Variants in USP54 observed in about 807,000 individuals in gnomAD.
USP54 encodes the protein ubiquitin carboxyl-terminal hydrolase 54.
In USP54, 87 loss-of-function variants were observed where a neutral mutation model predicts 170.5. That is an observed-to-expected ratio of 0.51 (90% confidence interval 0.43 to 0.61). The LOEUF is 0.61. Among genes scored for constraint, USP54 ranks in the 20% least tolerant of loss-of-function variants. USP54 has a pLI of 0.00. For synonymous variants in USP54, 655 were observed against 742.8 expected (o/e 0.88, Z 1.92); for missense variants, 1,786 against 2,047.8 (o/e 0.87, Z 2.47).
chr10:73,508,227 C>T (rs567053381), intron 20 of USP54, among the ~76,000 whole-genome samples: 3 of 151,810 alleles, frequency 2.0e-5, no homozygotes, highest in East Asian at 3.9e-4. Context: ...GCCAACATGG[C>T]GAAACCCTGT....
intron 23 of USP54, among the ~76,000 whole-genome samples, chr10:73,500,200 G>T (rs747155149): frequency 7.9e-5 from 12 of 152,174 alleles, no homozygotes; most frequent in Non-Finnish European, 1.3e-4. Flanking sequence ...CACATGGTGT[G>T]GGTACTCCAT....
At chr10:73,529,136 T>C (rs1352610326) in intron 15 of USP54, 3 of 154,524 alleles carry the variant, frequency 1.9e-5, no homozygotes, top group Admixed American at 1.3e-4. Context: ...AATTTTAGTA[T>C]ATGTGCTACC....
At chr10:73,560,250 C>A (rs573467217) in intron 4 of USP54, among the ~76,000 whole-genome samples, 8 of 152,094 alleles carry the variant, frequency 5.3e-5, no homozygotes, top group Non-Finnish European at 1.2e-4. Context: ...CTGACAGAAT[C>A]CCAGGCCTGC....
At chr10:73,567,508 T>G (rs1445646361) in intron 4 of USP54, among the ~76,000 whole-genome samples, 1 of 151,984 alleles carries the variant, frequency 6.6e-6, no homozygotes, top group Non-Finnish European at 1.5e-5. Flanking sequence ...CTAGCTCTAC[T>G]AAAAATACAA....
chr10:73,611,323 A>G (rs945334288), intron 1 of USP54, among the ~76,000 whole-genome samples: 2 of 152,120 alleles, frequency 1.3e-5, no homozygotes, highest in African/African-American at 4.8e-5. Context: ...AAATGTGTCC[A>G]TATTTTTTAA....
At chr10:73,510,094 T>C (rs964658899) in intron 20 of USP54, among the ~76,000 whole-genome samples, 1 of 152,180 alleles carries the variant, frequency 6.6e-6, no homozygotes, top group African/African-American at 2.4e-5. Flanking sequence ...CCCAGCACTT[T>C]GGGAGGCCAA....
At chr10:73,593,472 T>C (rs2078465022), upstream of USP54, among the ~76,000 whole-genome samples, 1 of 152,008 alleles carries the variant, frequency 6.6e-6, no homozygotes, top group Non-Finnish European at 1.5e-5. Context: ...ATACATAGTG[T>C]TTCAGATTAT....
At chr10:73,520,061 T>TG in intron 18 of USP54, 69 bp from the exon 19 acceptor site, 1 of 1,519,052 alleles carries the variant, frequency 6.6e-7, no homozygotes, top group East Asian at 2.5e-5. Context: ...AGAATAAAAT[T>TG]GAAAAAAAAT....
At chr10:73,585,438 C>T (rs1444289268) in intron 1 of USP54, among the ~76,000 whole-genome samples, 1 of 152,184 alleles carries the variant, frequency 6.6e-6, no homozygotes, top group African/African-American at 2.4e-5. Context: ...TCATGACAGA[C>T]CGCAAAGGGA....
At chr10:73,574,468 G>C (rs2075784421) in intron 3 of USP54, among the ~76,000 whole-genome samples, 1 of 152,104 alleles carries the variant, frequency 6.6e-6, no homozygotes, top group African/African-American at 2.4e-5. Context: ...AAGCAACTAG[G>C]ATAACACACC....
chr10:73,518,339 T>C, intron 19 of USP54: 2 of 665,790 alleles, frequency 3.0e-6, no homozygotes. Context: ...ACTGAGATGT[T>C]TCCCCAAAGC....
At chr10:73,590,425 T>G (rs547454591) in intron 1 of USP54, among the ~76,000 whole-genome samples, 13 of 152,320 alleles carry the variant, frequency 8.5e-5, no homozygotes, top group Non-Finnish European at 1.3e-4. Flanking sequence ...AGCAGTAGTT[T>G]GGGAGAATCC....
chr10:73,594,907 T>C (rs1485890993), upstream of USP54, among the ~76,000 whole-genome samples: 1 of 152,010 alleles, frequency 6.6e-6, no homozygotes. Flanking sequence ...TAGTGGGTTT[T>C]TTTTTAACTT....
chr10:73,613,565 G>T (rs533827350), intron 1 of USP54, among the ~76,000 whole-genome samples: 2 of 152,104 alleles, frequency 1.3e-5, no homozygotes, highest in East Asian at 3.9e-4. Flanking sequence ...AGGCAAAGAC[G>T]TGAACAGTTA....
chr10:73,606,175 C>CAAAAAAAAAAAAAA lies in USP54; in HGVS notation c.-18+19378_-18+19391dup, dbSNP rs1178699732. ...CCTGGGCGACAGAGTGAGGCTGTCT[C>CAAAAAAAAAAAAAA]AAAAAAAAAAAAAAAAAAAAAAAAA... On this transcript the variant is annotated intron_variant, in intron 1 of 22. Transcript: ENST00000339859. Among the ~76,000 whole-genome samples the CAAAAAAAAAAAAAA allele has an allele frequency of 9.2e-3, 237 of 25,622 alleles. 23 individuals are homozygous for CAAAAAAAAAAAAAA. Among genetic ancestry groups the CAAAAAAAAAAAAAA allele is most frequent in the East Asian group, 0.019 (19 of 1,018 alleles). The allele number at this position is 25,622 out of a possible 152,430, so 16.8% of individuals were successfully genotyped here. A position where few individuals can be genotyped will look rare whatever the true frequency, so the allele number is the denominator to read the frequency against.
chr10:73,525,581 C>T (rs1223340963), intron 16 of USP54, among the ~76,000 whole-genome samples: 2 of 152,186 alleles, frequency 1.3e-5, no homozygotes, highest in African/African-American at 4.8e-5. Flanking sequence ...AGAATAGTCT[C>T]ATGCACGATT....
upstream of USP54, among the ~76,000 whole-genome samples, chr10:73,594,805 G>T (rs746326418): frequency 6.6e-6 from 1 of 152,008 alleles, no homozygotes; most frequent in African/African-American, 2.4e-5. Flanking sequence ...GAACCTAAGA[G>T]AAAATATTCT....
chr10:73,516,609 G>T lies in USP54; in HGVS notation c.3817C>A (p.Gln1273Lys), dbSNP rs755654129. The T allele has an allele frequency of 1.1e-5, 17 of 1,614,096 alleles. No individual in the cohort carries two copies. The East Asian group carries it at 3.8e-4, about 36-fold the overall frequency. ...WVNITRFCDS[Q>K]LKHGAPRPGM... is the part of the protein sequence containing the mutation. ...GGCCTAGGTGCCCCATGCTTAAGCT[G>T]AGAATCACAGAACCTTGTGATATTC... is the stretch of plus-strand genomic sequence containing the variant. Residue 1273 changes from glutamine to lysine, a missense_variant, in exon 20 of 24, where the codon CAG becomes AAG. Coordinates refer to ENST00000687698, the MANE Select transcript of USP54 (RefSeq NM_001391956.1).
At chr10:73,620,990 T>G (rs1034636596) in intron 1 of USP54, among the ~76,000 whole-genome samples, 1 of 149,420 alleles carries the variant, frequency 6.7e-6, no homozygotes, top group Non-Finnish European at 1.5e-5. Context: ...ACCCCGTCTC[T>G]ACTAAAAATA....
Sources: gnomAD v4.1 joint callset for allele counts (sites outside exome capture counted in the v4.1 genomes callset) on GRCh38, gnomAD v4.1.1 for gene constraint, MANE v1.5 for transcripts, NCBI Gene and HGNC (gene_info 2026-07-23, HGNC 2026-07-21) for gene names.